Variants in CAP2 observed in about 807,000 individuals in gnomAD.
The protein encoded by CAP2 is adenylyl cyclase-associated protein 2.
A neutral mutation model predicts 57.7 loss-of-function variants in CAP2; 24 were observed. The observed-to-expected ratio is 0.42, with a 90% CI of 0.30 to 0.58. The LOEUF is 0.58. Among genes scored for constraint, CAP2 ranks in the 20% least tolerant of loss-of-function variants. The pLI is 0.22. For missense variants in CAP2, 501 were observed against 590.3 expected (o/e 0.85, Z 1.57); for synonymous variants, 194 against 207.2 (o/e 0.94, Z 0.55).
At chr6:17,433,780 A>G (rs749186620) in intron 3 of CAP2, among the ~76,000 whole-genome samples, 1 of 152,260 alleles carries the variant, frequency 6.6e-6, no homozygotes, top group Non-Finnish European at 1.5e-5. Context: ...GTTTGCTACC[A>G]AACATGCTTT....
intron 9 of CAP2, 62 bp downstream of exon 9, chr6:17,541,210 A>C: frequency 7.7e-7 from 1 of 1,295,940 alleles, no homozygotes; most frequent in Non-Finnish European, 1.1e-6. Flanking sequence ...CCAACAGCCA[A>C]ACCATTTACC....
chr6:17,398,394 T>C (rs991793502), intron 1 of CAP2, among the ~76,000 whole-genome samples: 2 of 152,116 alleles, frequency 1.3e-5, no homozygotes, highest in African/African-American at 4.8e-5. Flanking sequence ...GGCAGTGAGT[T>C]TTGCCATTCA....
chr6:17,465,467 C>A (rs1017135374), intron 4 of CAP2, among the ~76,000 whole-genome samples: 2 of 152,218 alleles, frequency 1.3e-5, no homozygotes, highest in Non-Finnish European at 2.9e-5. Context: ...TGGACCAGGA[C>A]CAGGAAAATG....
intron 4 of CAP2, among the ~76,000 whole-genome samples, chr6:17,480,087 C>T (rs1410784452): frequency 2.0e-5 from 3 of 152,064 alleles, no homozygotes; most frequent in South Asian, 2.1e-4. Flanking sequence ...TTCTTATCAT[C>T]GTAACTGTTG....
At chr6:17,449,140 G>T (rs1760339331) in intron 3 of CAP2, among the ~76,000 whole-genome samples, 1 of 152,170 alleles carries the variant, frequency 6.6e-6, no homozygotes, top group Admixed American at 6.6e-5. Flanking sequence ...AAAATTATAT[G>T]TAGATGAAGT....
chr6:17,469,842 C>CAA (rs1760972635), intron 4 of CAP2, among the ~76,000 whole-genome samples: 1 of 152,164 alleles, frequency 6.6e-6, no homozygotes, highest in Admixed American at 6.5e-5. Context: ...CTCCGCTCAG[C>CAA]ACTTTCTCCA....
chr6:17,527,042 G>C (rs1398314264), intron 7 of CAP2, among the ~76,000 whole-genome samples: 4 of 150,696 alleles, frequency 2.7e-5, no homozygotes, highest in Non-Finnish European at 4.4e-5. Context: ...TGCAAACTAA[G>C]CATCCCTAAA....
At chr6:17,415,128 C>G (rs959681243) in intron 1 of CAP2, among the ~76,000 whole-genome samples, 5 of 152,174 alleles carry the variant, frequency 3.3e-5, no homozygotes, top group African/African-American at 1.2e-4. Context: ...GTCTCTCTTG[C>G]AGAATTGGAA....
At chr6:17,401,043 A>G (rs1424118847) in intron 1 of CAP2, among the ~76,000 whole-genome samples, 3 of 152,162 alleles carry the variant, frequency 2.0e-5, no homozygotes, top group Admixed American at 6.5e-5. Flanking sequence ...AGTGTGATAT[A>G]CTGGAGTTGG....
chr6:17,492,068 G>A (rs1177004202), intron 4 of CAP2, among the ~76,000 whole-genome samples: 1 of 152,230 alleles, frequency 6.6e-6, no homozygotes, highest in African/African-American at 2.4e-5. Context: ...CAGGAGGAAG[G>A]AAAGGGTTTG....
intron 3 of CAP2, among the ~76,000 whole-genome samples, chr6:17,462,050 A>AC (rs1268633246): frequency 6.6e-6 from 1 of 150,852 alleles, no homozygotes; most frequent in Non-Finnish European, 1.5e-5. Context: ...AGAAAAAAGA[A>AC]CCAAAAAAAC....
chr6:17,460,798 A>G (rs1760698429), intron 3 of CAP2, among the ~76,000 whole-genome samples: 1 of 152,168 alleles, frequency 6.6e-6, no homozygotes, highest in African/African-American at 2.4e-5. Flanking sequence ...TCTTAAAAGG[A>G]GGTTACAATG....
At chr6:17,411,421 G>A (rs193066075) in intron 1 of CAP2, among the ~76,000 whole-genome samples, 15 of 152,296 alleles carry the variant, frequency 9.8e-5, no homozygotes, top group Admixed American at 7.2e-4. Context: ...ATGTCTGAGG[G>A]TTCCAATTCC....
At chr6:17,394,788 A>T (rs1219489639) in intron 1 of CAP2, among the ~76,000 whole-genome samples, 1 of 152,168 alleles carries the variant, frequency 6.6e-6, no homozygotes, top group Admixed American at 6.5e-5. Flanking sequence ...AGAGAATTGG[A>T]TTTATAGTTA....
intron 4 of CAP2, among the ~76,000 whole-genome samples, chr6:17,478,913 G>A (rs1351152928): frequency 1.3e-5 from 2 of 152,074 alleles, no homozygotes; most frequent in African/African-American, 4.8e-5. Context: ...CTTCTCTTGG[G>A]TAATAACACT....
chr6:17,454,109 C>T (rs1171789773), intron 3 of CAP2, among the ~76,000 whole-genome samples: 3 of 151,350 alleles, frequency 2.0e-5, no homozygotes, highest in Non-Finnish European at 4.4e-5. Flanking sequence ...AGGGTTTTAC[C>T]ATGTTGCCCA....
intron 4 of CAP2, among the ~76,000 whole-genome samples, chr6:17,487,831 T>G (rs868651687): frequency 3.0e-4 from 46 of 152,092 alleles, no homozygotes; most frequent in African/African-American, 9.9e-4. Context: ...TAGGCCGGAG[T>G]GCAGTGGTGC....
intron 7 of CAP2, among the ~76,000 whole-genome samples, chr6:17,535,385 C>T (rs1226315370): frequency 6.6e-6 from 1 of 151,784 alleles, no homozygotes; most frequent in Non-Finnish European, 1.5e-5. Flanking sequence ...AGCGATTCTC[C>T]TGCCTCAGCC....
At chr6:17,554,197 C>G (rs1308567727) in intron 12 of CAP2, among the ~76,000 whole-genome samples, 2 of 152,122 alleles carry the variant, frequency 1.3e-5, no homozygotes, top group Non-Finnish European at 2.9e-5. Context: ...ACCTCGACCC[C>G]CCGGGCTCAA....
Sources: allele counts gnomAD v4.1 joint callset (sites outside exome capture counted in the v4.1 genomes callset), GRCh38; gene constraint gnomAD v4.1.1; transcripts MANE v1.5; gene names NCBI Gene and HGNC (gene_info 2026-07-23, HGNC 2026-07-21).